MEPE: variants seen among roughly 807,000 people sequenced by gnomAD.
MEPE encodes matrix extracellular phosphoglycoprotein.
MEPE carries 7 observed loss-of-function variants against 7.3 expected under a neutral mutation model. The observed-to-expected ratio is 0.95, with a 90% CI of 0.54 to 1.79. The LOEUF is 1.79. Among genes scored for constraint, MEPE ranks in the 40% most tolerant of loss-of-function variants. The pLI is 0.00. For synonymous variants in MEPE, 214 were observed against 213.1 expected, an observed-to-expected ratio of 1.00 and a Z score of -0.04; for missense variants, 623 against 628.2, an observed-to-expected ratio of 0.99 and a Z score of 0.09.
At chr4:87,823,213 G>A (rs1722385700) in intron 1 of MEPE, among the ~76,000 whole-genome samples, 1 of 152,200 alleles carries the variant, frequency 6.6e-6, no homozygotes, top group South Asian at 2.1e-4. Flanking sequence ...CCACTGTGTG[G>A]GTGGATGGTC....
chr4:87,842,048 C>T (rs1447734853), intron 3 of MEPE, among the ~76,000 whole-genome samples: 1 of 152,174 alleles, frequency 6.6e-6, no homozygotes, highest in Non-Finnish European at 1.5e-5. Context: ...TTTTATTTTA[C>T]AGCTAAAAAA....
chr4:87,841,109 T>C (rs1199955935), intron 3 of MEPE, among the ~76,000 whole-genome samples: 8 of 152,216 alleles, frequency 5.3e-5, no homozygotes, highest in African/African-American at 1.9e-4. Flanking sequence ...AATTCATTAG[T>C]GTACATGTTA....
At chr4:87,843,715 A>T (rs1723099643) in intron 3 of MEPE, among the ~76,000 whole-genome samples, 1 of 152,236 alleles carries the variant, frequency 6.6e-6, no homozygotes. Flanking sequence ...GTTATCTAAT[A>T]GCTAAAATAG....
At chr4:87,837,772 G>C (rs551594490) in intron 2 of MEPE, 1 of 152,328 alleles carries the variant, frequency 6.6e-6, no homozygotes, top group African/African-American at 2.4e-5. Context: ...CTGAAAGAAA[G>C]AGGTAAATGA....
In MEPE at chr4:87,845,987, T is replaced by C; in HGVS notation, c.1119T>C (p.His373=). Residue 373 remains histidine, a synonymous_variant, in exon 4 of 4, where the codon CAT becomes CAC. Transcript: ENST00000361056. ...QNAHQGKVEF[H]YPPAPSKEKR... ...CTCACCAAGGGAAGGTTGAGTTTCA[T>C]TACCCTCCTGCACCCTCAAAAGAGA... is the stretch of plus-strand genomic sequence containing the variant. 2 of 1,613,926 alleles carry C rather than the reference T, an allele frequency of 1.2e-6. No individual in the cohort carries two copies. Among genetic ancestry groups the C allele is most frequent in the Non-Finnish European group, 1.7e-6 (2 of 1,179,956 alleles).
In MEPE at chr4:87,846,251, TATA is replaced by T. The variant is rs1472594380; in HGVS notation, c.1388_1390del (p.Ile463del). Reference sequence around the variant, plus strand: ...CCTTTAATGGCCCCAGTCATGAGAATATAATAACACATGGCAGAAAATATCATT... The same window carrying T: ...CCTTTAATGGCCCCAGTCATGAGAATATAACACATGGCAGAAAATATCATT... On this transcript the variant is annotated inframe_deletion, in exon 4 of 4. Coordinates refer to ENST00000361056, the MANE Select transcript of MEPE (RefSeq NM_020203.6). 6.2e-7 allele frequency: 1 copy of T among 1,614,002 alleles called. No homozygotes were observed. The highest frequency in any genetic ancestry group is 2.2e-5 in the East Asian group (1 of 44,880).
chr4:87,832,879 A>T (rs1722633768), upstream of MEPE: 1 of 152,194 alleles, frequency 6.6e-6, no homozygotes, highest in South Asian at 2.1e-4. Flanking sequence ...CTTGTAACAA[A>T]TTGTTTGCTA....
intron 2 of MEPE, among the ~76,000 whole-genome samples, chr4:87,838,039 G>A (rs571458341): frequency 1.1e-4 from 16 of 152,062 alleles, no homozygotes; most frequent in Admixed American, 3.3e-4. Flanking sequence ...CTAATCTGCT[G>A]GCCACCTCCA....
chr4:87,838,553 T>C, intron 2 of MEPE, 79 bp from the exon 3 acceptor site: 1 of 1,336,220 alleles, frequency 7.5e-7, no homozygotes, highest in Non-Finnish European at 1.1e-6. Flanking sequence ...GAGAGAAAAA[T>C]AAATGAAACA....
At chr4:87,833,634 G>A (rs1356773106) in intron 1 of MEPE, among the ~76,000 whole-genome samples, 2 of 151,992 alleles carry the variant, frequency 1.3e-5, no homozygotes, top group Non-Finnish European at 2.9e-5. Context: ...ATCTCAGAGT[G>A]GCATAAATTT....
intron 1 of MEPE, among the ~76,000 whole-genome samples, chr4:87,823,448 T>C (rs181046225): frequency 4.3e-4 from 66 of 152,356 alleles, no homozygotes; most frequent in Non-Finnish European, 7.1e-4. Flanking sequence ...CAGTTTATTA[T>C]TGTGACATAA....
At chr4:87,833,450 T>C (rs1722655862) in intron 1 of MEPE, among the ~76,000 whole-genome samples, 1 of 152,276 alleles carries the variant, frequency 6.6e-6, no homozygotes, top group Admixed American at 6.5e-5. Flanking sequence ...TAAACTATAG[T>C]TAGAATTTAG....
At chr4:87,824,658 ATGT>A (rs1265993611) in intron 1 of MEPE, among the ~76,000 whole-genome samples, 3 of 152,174 alleles carry the variant, frequency 2.0e-5, no homozygotes, top group Non-Finnish European at 4.4e-5. Context: ...CATTTTGAAA[ATGT>A]TGTTGTCATT....
At chr4:87,826,801 G>A (rs1054344591) in intron 1 of MEPE, among the ~76,000 whole-genome samples, 2 of 152,090 alleles carry the variant, frequency 1.3e-5, no homozygotes, top group Admixed American at 6.6e-5. Context: ...CTTTTCTAAA[G>A]TGTCTAATTA....
chr4:87,845,571 G>T lies in MEPE; in HGVS notation c.703G>T (p.Asp235Tyr). 1 of 1,612,350 alleles carries T rather than the reference G, an allele frequency of 6.2e-7. No homozygotes were observed. The highest frequency in any genetic ancestry group is 1.1e-5 in the South Asian group (1 of 90,650). ...HLSKVKKIPS[D>Y]FEGSGYTDLQ... ...CTCAAAAGTCAAAAAAATCCCCAGT[G>T]ATTTTGAAGGCAGCGGTTATACAGA... Residue 235 changes from aspartate to tyrosine, a missense_variant, in exon 4 of 4, where the codon GAT becomes TAT. Asp to Tyr is a radical substitution (Grantham distance 160, BLOSUM62 -3). Coordinates refer to ENST00000361056, the MANE Select transcript of MEPE (RefSeq NM_020203.6).
intron 1 of MEPE, among the ~76,000 whole-genome samples, chr4:87,821,686 TCCTAATGTGGCCA>T (rs893843004): frequency 3.9e-5 from 6 of 152,172 alleles, no homozygotes; most frequent in African/African-American, 1.4e-4. Flanking sequence ...TTGTTATTTA[TCCTAATGTGGCCA>T]CCTAGCCTCG....
At chr4:87,824,446 G>A (rs952710602) in intron 1 of MEPE, among the ~76,000 whole-genome samples, 1 of 152,208 alleles carries the variant, frequency 6.6e-6, no homozygotes, top group Non-Finnish European at 1.5e-5. Flanking sequence ...TGCAGAGGGT[G>A]GATTGCTTTG....
intron 3 of MEPE, among the ~76,000 whole-genome samples, chr4:87,843,716 G>A (rs1051990993): frequency 1.3e-5 from 2 of 152,140 alleles, no homozygotes; most frequent in Non-Finnish European, 2.9e-5. Flanking sequence ...TTATCTAATA[G>A]CTAAAATAGT....
At chr4:87,840,859 C>T (rs1173345464) in intron 3 of MEPE, among the ~76,000 whole-genome samples, 1 of 152,156 alleles carries the variant, frequency 6.6e-6, no homozygotes. Context: ...CATGAAAAAA[C>T]TCATAGGAAC....
Sources: allele counts gnomAD v4.1 joint callset (sites outside exome capture counted in the v4.1 genomes callset), GRCh38; gene constraint gnomAD v4.1.1; transcripts MANE v1.5; gene names NCBI Gene and HGNC (gene_info 2026-07-23, HGNC 2026-07-21).